Variants in OTUD3 observed in about 807,000 individuals in gnomAD.
OTUD3 encodes the protein OTU domain-containing protein 3.
OTUD3 carries 24 observed loss-of-function variants against 46.2 expected under a neutral mutation model. That is an observed-to-expected ratio of 0.52 (90% confidence interval 0.38 to 0.73). The LOEUF (loss-of-function observed/expected upper bound fraction) is 0.73. Ranked by LOEUF, OTUD3 falls within the 30% of genes least tolerant of loss-of-function variation. The pLI, the probability that OTUD3 is intolerant of heterozygous loss-of-function variation, is 0.00. For synonymous variants in OTUD3, 189 were observed against 195.4 expected (o/e 0.97, Z 0.27); for missense variants, 455 against 523.3 (o/e 0.87, Z 1.27).
At chr1:19,888,646 C>G (rs1309802818) in intron 1 of OTUD3, among the ~76,000 whole-genome samples, 1 of 152,232 alleles carries the variant, frequency 6.6e-6, no homozygotes, top group African/African-American at 2.4e-5. Context: ...GGGCCTACCA[C>G]TTACTAGTTT....
chr1:19,906,260 C>G (rs2045659775), intron 6 of OTUD3, among the ~76,000 whole-genome samples, 172 bp from the exon 7 acceptor site: 1 of 152,148 alleles, frequency 6.6e-6, no homozygotes, highest in Admixed American at 6.5e-5. Flanking sequence ...CAACTTTTAC[C>G]AACTTTTTCT....
At chr1:19,891,768 TACTC>T (rs1292585394) in intron 2 of OTUD3, among the ~76,000 whole-genome samples, 1 of 152,178 alleles carries the variant, frequency 6.6e-6, no homozygotes, top group Non-Finnish European at 1.5e-5. Context: ...GGAAAGAACT[TACTC>T]AGTAGGCACC....
intron 1 of OTUD3, among the ~76,000 whole-genome samples, chr1:19,884,689 G>T (rs932106627): frequency 1.3e-5 from 2 of 152,106 alleles, no homozygotes; most frequent in African/African-American, 4.8e-5. Flanking sequence ...TCATGCATCA[G>T]GTAGCCTCTG....
chr1:19,891,635 T>C (rs986296808), intron 2 of OTUD3, among the ~76,000 whole-genome samples: 2 of 152,172 alleles, frequency 1.3e-5, no homozygotes, highest in Non-Finnish European at 2.9e-5. Context: ...CAAGAGTGAT[T>C]CTGAAGTTTC....
Position 19,912,907 on chromosome 1 carries a change from G to A in OTUD3, c.*5161G>A, listed in dbSNP as rs1054573805. 3.3e-5 allele frequency: 5 copies of A among 152,304 alleles called. No homozygotes were observed. The highest frequency in any genetic ancestry group is 7.3e-5 in the Non-Finnish European group (5 of 68,036). 9.4% of individuals were successfully genotyped at this position (152,304 alleles called of 1,614,324 possible). On this transcript the variant is annotated 3_prime_UTR_variant, in exon 8 of 8. Coordinates refer to ENST00000375120, the MANE Select transcript of OTUD3 (RefSeq NM_015207.2). ...AGATGTGCCACTTTATCTATGAAAT[G>A]GAGTTTTGTATACCAATAAATTCTA...
chr1:19,895,730 TC>T (rs1173883457), intron 3 of OTUD3, among the ~76,000 whole-genome samples: 1 of 152,202 alleles, frequency 6.6e-6, no homozygotes, highest in African/African-American at 2.4e-5. Context: ...TCCATGGGGT[TC>T]TGTTTTCCAA....
At chr1:19,896,084 C>T (rs1304253819) in intron 3 of OTUD3, among the ~76,000 whole-genome samples, 1 of 152,112 alleles carries the variant, frequency 6.6e-6, no homozygotes, top group South Asian at 2.1e-4. Context: ...TTGGATCCCC[C>T]TATGTCTTCC....
chr1:19,905,567 C>G (rs1019280985), intron 6 of OTUD3, among the ~76,000 whole-genome samples: 2 of 151,704 alleles, frequency 1.3e-5, no homozygotes, highest in African/African-American at 4.8e-5. Flanking sequence ...ATGGTGAAAC[C>G]CCGTCTCTAC....
At position 19,908,732 on chromosome 1, in the gene OTUD3, T is replaced by C. The variant is rs2045697104; in HGVS notation, c.*986T>C. On this transcript the variant is annotated 3_prime_UTR_variant, in exon 8 of 8. Transcript: ENST00000375120. The stretch of plus-strand genomic sequence containing the variant: ...GTAGACTTAGATGCCTTCAGAGAGA[T>C]ACGTGGTAACTTGACCTTATAGGTC... 1 of 152,388 alleles carries C rather than the reference T, an allele frequency of 6.6e-6. No homozygotes were observed. Among genetic ancestry groups the C allele is most frequent in the Non-Finnish European group, 1.5e-5 (1 of 68,030 alleles). The allele number at this position is 152,388 out of a possible 1,614,324, so 9.4% of individuals were successfully genotyped here.
At chr1:19,889,458 A>G (rs894116511) in intron 1 of OTUD3, among the ~76,000 whole-genome samples, 4 of 152,178 alleles carry the variant, frequency 2.6e-5, no homozygotes, top group Middle Eastern at 3.2e-3. Flanking sequence ...TTGGAATTAC[A>G]GTATCATAGT....
chr1:19,898,309 G>A (rs1326917044), intron 4 of OTUD3, among the ~76,000 whole-genome samples: 1 of 152,138 alleles, frequency 6.6e-6, no homozygotes, highest in Non-Finnish European at 1.5e-5. Flanking sequence ...AAAATAAAAA[G>A]CATGTAAAGT....
At chr1:19,884,392 A>G (rs1346262458) in intron 1 of OTUD3, among the ~76,000 whole-genome samples, 1 of 152,194 alleles carries the variant, frequency 6.6e-6, no homozygotes, top group Non-Finnish European at 1.5e-5. Context: ...CCACACCCCC[A>G]TACACACACA....
intron 4 of OTUD3, 62 bp from the exon 5 acceptor site, chr1:19,904,205 A>G (rs1178180716): frequency 2.2e-6 from 3 of 1,366,698 alleles, no homozygotes; most frequent in South Asian, 1.4e-5. Flanking sequence ...GTCTTGTGTT[A>G]AAGATTCTGA....
intron 2 of OTUD3, 37 bp from the exon 3 acceptor site, chr1:19,894,331 T>C (rs2045488027): frequency 2.4e-6 from 3 of 1,246,258 alleles, no homozygotes; most frequent in Non-Finnish European, 2.3e-6. Flanking sequence ...ATTTTTCCAC[T>C]ATAAAGACGT....
chr1:19,887,872 C>T (rs536018560), intron 1 of OTUD3, among the ~76,000 whole-genome samples: 7 of 152,224 alleles, frequency 4.6e-5, no homozygotes, highest in Admixed American at 1.3e-4. Context: ...TTTCCTTTTT[C>T]TGCACATTTA....
Position 19,907,565 on chromosome 1 carries a change from C to CTCAGG in OTUD3, c.1021-1_1024dup. 6.2e-7 allele frequency: 1 copy of CTCAGG among 1,613,814 alleles called. No homozygotes were observed. The highest frequency in any genetic ancestry group is 8.5e-7 in the Non-Finnish European group (1 of 1,179,870). ...CCTACTCACCACCATGGCCTTCTCT[C>CTCAGG]TCAGGTCACAAACAAACAGAGGCGA... On this transcript the variant is annotated splice_polypyrimidine_tract_variant and splice_region_variant and intron_variant, in intron 7 of 7. Coordinates refer to ENST00000375120, the MANE Select transcript of OTUD3 (RefSeq NM_015207.2).
At position 19,909,410 on chromosome 1, in the gene OTUD3, C is replaced by T. The variant is rs1557683908; in HGVS notation, c.*1664C>T. 6.6e-6 allele frequency: 1 copy of T among 152,310 alleles called. No individual in the cohort carries two copies. The highest frequency in any genetic ancestry group is 1.5e-5 in the Non-Finnish European group (1 of 68,022). The allele number at this position is 152,310 out of a possible 1,614,324, so 9.4% of individuals were successfully genotyped here. On this transcript the variant is annotated 3_prime_UTR_variant, in exon 8 of 8. Coordinates refer to ENST00000375120, the MANE Select transcript of OTUD3 (RefSeq NM_015207.2). ...TTAGCAGATTAAAAAAAGTACACAG[C>T]ATTTTTTTTCTGTGCACGTCGCAGA... is the stretch of plus-strand genomic sequence containing the variant.
intron 1 of OTUD3, 63 bp downstream of exon 1, chr1:19,882,797 C>A: frequency 8.1e-7 from 1 of 1,236,612 alleles, no homozygotes; most frequent in South Asian, 2.9e-5. Flanking sequence ...GCCTGGCGAC[C>A]GTTGCCCGCT....
chr1:19,904,502 G>A lies in OTUD3; in HGVS notation c.738+104G>A, dbSNP rs566824210. On this transcript the variant is annotated intron_variant, in intron 5 of 7. Transcript: ENST00000375120. Reference sequence around the variant, plus strand: ...TCTCTAGCATATCAGCACCTTGTGGGCCAAAATAGGCCCATGAGATTTGTA... The same window carrying A: ...TCTCTAGCATATCAGCACCTTGTGGACCAAAATAGGCCCATGAGATTTGTA... 6.0e-5 allele frequency: 57 copies of A among 944,124 alleles called. 1 individual carries two copies. The South Asian group carries it at 8.8e-4, about 15-fold the overall frequency. The allele number at this position is 944,124 out of a possible 1,614,324, so 58.5% of individuals were successfully genotyped here. A position where few individuals can be genotyped will look rare whatever the true frequency, so the allele number is the denominator to read the frequency against.
Sources: allele counts gnomAD v4.1 joint callset (sites outside exome capture counted in the v4.1 genomes callset), GRCh38; gene constraint gnomAD v4.1.1; transcripts MANE v1.5; gene names NCBI Gene and HGNC (gene_info 2026-07-23, HGNC 2026-07-21).